Variants in SPON1 observed in about 807,000 individuals in gnomAD.
SPON1 encodes the protein spondin 1, also known as spondin-1.
In SPON1, 52 loss-of-function variants were observed where a neutral mutation model predicts 111.7. The ratio of observed to expected loss-of-function variants is 0.47; its 90% CI spans 0.37 to 0.59. The LOEUF (loss-of-function observed/expected upper bound fraction) is 0.59, where lower values mean the gene tolerates loss of function less well. Among genes scored for constraint, SPON1 ranks in the 20% least tolerant of loss-of-function variants. The probability of loss-of-function intolerance (pLI) is 0.00; values close to 1 mark genes in which losing one functional copy is unlikely to be tolerated. For synonymous variants in SPON1, 410 were observed against 395.8 expected, an observed-to-expected ratio of 1.04 and a Z score of -0.43; for missense variants, 957 against 1,068.5, an observed-to-expected ratio of 0.90 and a Z score of 1.46.
At chr11:14,006,700 C>G (rs558085150) in intron 2 of SPON1, among the ~76,000 whole-genome samples, 22 of 152,206 alleles carry the variant, frequency 1.4e-4, no homozygotes, top group Admixed American at 1.0e-3. Flanking sequence ...CTGCCATAGC[C>G]CATAACTTCT....
At chr11:14,018,011 A>G (rs1214065738) in intron 2 of SPON1, among the ~76,000 whole-genome samples, 1 of 152,212 alleles carries the variant, frequency 6.6e-6, no homozygotes, top group Admixed American at 6.5e-5. Context: ...TGCCTGATTA[A>G]TTAACTTATA....
intron 3 of SPON1, among the ~76,000 whole-genome samples, chr11:14,045,873 T>C (rs778979427): frequency 6.6e-6 from 1 of 152,058 alleles, no homozygotes; most frequent in Non-Finnish European, 1.5e-5. Flanking sequence ...TAATCAAATG[T>C]ATCCATCCTT....
intron 2 of SPON1, among the ~76,000 whole-genome samples, chr11:13,989,029 T>A (rs1848207543): frequency 6.6e-6 from 1 of 152,016 alleles, no homozygotes; most frequent in Non-Finnish European, 1.5e-5. Context: ...TCTGTCTCTG[T>A]GAGGTTTTGG....
At chr11:14,002,142 C>A (rs1848324000) in intron 2 of SPON1, among the ~76,000 whole-genome samples, 1 of 152,196 alleles carries the variant, frequency 6.6e-6, no homozygotes, top group Non-Finnish European at 1.5e-5. Flanking sequence ...TAGGATTACA[C>A]AGGATGCCCT....
intron 2 of SPON1, among the ~76,000 whole-genome samples, chr11:13,990,668 G>A (rs1027891676): frequency 6.6e-6 from 1 of 151,810 alleles, no homozygotes; most frequent in Non-Finnish European, 1.5e-5. Flanking sequence ...TCATAGTGTC[G>A]ATATTCTTTA....
chr11:13,973,919 A>G (rs1381314081), intron 1 of SPON1, among the ~76,000 whole-genome samples: 6 of 152,216 alleles, frequency 3.9e-5, no homozygotes, highest in African/African-American at 1.4e-4. Context: ...CTTCAGTTTG[A>G]GTGGGAGAAA....
intron 2 of SPON1, among the ~76,000 whole-genome samples, chr11:14,028,876 C>T (rs533167714): frequency 3.3e-5 from 5 of 152,290 alleles, no homozygotes; most frequent in Admixed American, 6.5e-5. Context: ...TCTTCTCTCC[C>T]CACTACCCCA....
At position 14,083,053 on chromosome 11, in the gene SPON1, CAG is replaced by C. The variant is rs562516506; in HGVS notation, c.676+3036_676+3037del. On this transcript the variant is annotated intron_variant, in intron 5 of 15. Coordinates refer to ENST00000576479, the MANE Select transcript of SPON1 (RefSeq NM_006108.4). ...ATCTTCCATGTATCAAAAACTAAAACAGAGAAATTGAAAAATATTATTTATTT... is the reference window on the plus strand; with the variant it reads ...ATCTTCCATGTATCAAAAACTAAAACAGAAATTGAAAAATATTATTTATTT... 2.5e-3 allele frequency among the ~76,000 whole-genome samples: 380 copies of C among 152,066 alleles called. 1 individual carries two copies. Among genetic ancestry groups the C allele is most frequent in the African/African-American group, 8.7e-3 (362 of 41,496 alleles).
intron 2 of SPON1, among the ~76,000 whole-genome samples, chr11:14,014,204 T>C (rs1025758965): frequency 6.6e-6 from 1 of 152,040 alleles, no homozygotes; most frequent in Non-Finnish European, 1.5e-5. Context: ...GCCTGGTGCC[T>C]TATGTCTGTG....
In SPON1 at chr11:14,190,723, C is replaced by T. The variant is rs1267604123; in HGVS notation, c.826-52609C>T. Among the ~76,000 whole-genome samples, 9 of 151,264 alleles carry T rather than the reference C, an allele frequency of 5.9e-5. No individual in the cohort carries two copies. The East Asian group carries it at 1.8e-3, about 29-fold the overall frequency. On this transcript the variant is annotated intron_variant, in intron 6 of 15. Transcript: ENST00000576479. ...TGGCATGATCTCGGCTCACTGCAACCTCCACCTCCCAGATTCAAGTGATTC... is the reference window on the plus strand; with the variant it reads ...TGGCATGATCTCGGCTCACTGCAACTTCCACCTCCCAGATTCAAGTGATTC...
At chr11:14,264,367 T>A (rs750079411) in intron 15 of SPON1, among the ~76,000 whole-genome samples, 1 of 152,198 alleles carries the variant, frequency 6.6e-6, no homozygotes, top group African/African-American at 2.4e-5. Flanking sequence ...AGAGAAAGAT[T>A]ATACATCCCC....
intron 2 of SPON1, among the ~76,000 whole-genome samples, chr11:14,033,368 G>A (rs568354546): frequency 1.3e-5 from 2 of 152,320 alleles, no homozygotes; most frequent in East Asian, 1.9e-4. Flanking sequence ...GTGTTAGAAC[G>A]CTTGCAACTT....
intron 6 of SPON1, among the ~76,000 whole-genome samples, chr11:14,186,988 A>C (rs1355062006): frequency 6.6e-6 from 1 of 152,246 alleles, no homozygotes; most frequent in Non-Finnish European, 1.5e-5. Flanking sequence ...GGTAATTTAT[A>C]AAGAAAAGAT....
rs549189122 is a variant in SPON1 at position 13,968,966 on chromosome 11, G to A, written c.238+5824G>A. Among the ~76,000 whole-genome samples, 8 of 152,102 alleles carry A rather than the reference G, an allele frequency of 5.3e-5. No homozygotes were observed. The South Asian group carries it at 1.5e-3, about 28-fold the overall frequency. On this transcript the variant is annotated intron_variant, in intron 1 of 15. Transcript: ENST00000576479. ...GTAAATTTCTAAGGATCATATTAAC[G>A]GTCTCTGTCACATATTTTCATGCAT...
At chr11:14,248,077 C>G (rs1849011558) in intron 7 of SPON1, among the ~76,000 whole-genome samples, 1 of 152,062 alleles carries the variant, frequency 6.6e-6, no homozygotes, top group African/African-American at 2.4e-5. Flanking sequence ...CCGAGAAAGC[C>G]AGGGGAAGAA....
intron 6 of SPON1, among the ~76,000 whole-genome samples, chr11:14,210,691 G>A (rs149261318): frequency 3.9e-5 from 6 of 152,102 alleles, no homozygotes; most frequent in African/African-American, 7.2e-5. Flanking sequence ...ATGAGCCACC[G>A]CACCCGGGCA....
chr11:14,160,621 A>ATATATTTATATATATTTACATATATT (rs1847915434), intron 6 of SPON1, among the ~76,000 whole-genome samples: 1 of 28,880 alleles, frequency 3.5e-5, no homozygotes, highest in African/African-American at 1.2e-4. Flanking sequence ...ATATATTTAT[A>ATATATTTATATATATTTACATATATT]TATATATTTA....
At chr11:13,989,382 A>T (rs782157078) in intron 2 of SPON1, among the ~76,000 whole-genome samples, 1 of 152,058 alleles carries the variant, frequency 6.6e-6, no homozygotes, top group Non-Finnish European at 1.5e-5. Context: ...TTTCTGTGGG[A>T]TCAGTAGTGA....
chr11:14,250,740 G>A (rs1232947795), intron 7 of SPON1, among the ~76,000 whole-genome samples: 3 of 152,128 alleles, frequency 2.0e-5, no homozygotes, highest in African/African-American at 4.8e-5. Flanking sequence ...TTTTATGACA[G>A]TTTGAACAAA....
Sources: gnomAD v4.1 joint callset for allele counts (sites outside exome capture counted in the v4.1 genomes callset) on GRCh38, gnomAD v4.1.1 for gene constraint, MANE v1.5 for transcripts, NCBI Gene and HGNC (gene_info 2026-07-23, HGNC 2026-07-21) for gene names.